CYRIA: variants seen among roughly 807,000 people sequenced by gnomAD.
The protein encoded by CYRIA is CYFIP-related Rac1 interactor A.
CYRIA carries 15 observed loss-of-function variants against 43.9 expected under a neutral mutation model. That is an observed-to-expected ratio of 0.34 (90% CI 0.23 to 0.53). CYRIA has a LOEUF of 0.53. Among genes scored for constraint, CYRIA ranks in the 20% least tolerant of loss-of-function variants. The pLI, the probability that CYRIA is intolerant of heterozygous loss-of-function variation, is 0.94. For synonymous variants in CYRIA, 117 were observed against 136.0 expected, an observed-to-expected ratio of 0.86 and a Z score of 0.97; for missense variants, 236 against 394.2, an observed-to-expected ratio of 0.60 and a Z score of 3.40.
intron 3 of CYRIA, among the ~76,000 whole-genome samples, chr2:16,571,682 T>C (rs755648695): frequency 5.9e-5 from 9 of 152,304 alleles, no homozygotes; most frequent in South Asian, 2.1e-4. Context: ...ATCAATAGGA[T>C]ATATAGCTAT....
At chr2:16,649,348 G>A (rs1180846308) in intron 1 of CYRIA, among the ~76,000 whole-genome samples, 1 of 152,056 alleles carries the variant, frequency 6.6e-6, no homozygotes, top group East Asian at 1.9e-4. Context: ...GGGGATGGTT[G>A]CACAGTACAG....
At chr2:16,600,046 G>C (rs7575192) in intron 2 of CYRIA, among the ~76,000 whole-genome samples, 1 of 152,136 alleles carries the variant, frequency 6.6e-6, no homozygotes, top group East Asian at 1.9e-4. Context: ...GTGAGCCATC[G>C]TGCCTGGCCA....
At chr2:16,662,705 C>T (rs1359381089) in intron 1 of CYRIA, among the ~76,000 whole-genome samples, 1 of 152,184 alleles carries the variant, frequency 6.6e-6, no homozygotes, top group African/African-American at 2.4e-5. Flanking sequence ...ATGTGTGGCT[C>T]TCCAACCATC....
intron 1 of CYRIA, among the ~76,000 whole-genome samples, chr2:16,631,795 G>A (rs183035889): frequency 7.2e-5 from 11 of 152,270 alleles, no homozygotes; most frequent in Admixed American, 5.9e-4. Flanking sequence ...CTAGGCCAAC[G>A]CTGCCTTGGA....
chr2:16,554,649 T>G (rs1345158449), intron 11 of CYRIA, among the ~76,000 whole-genome samples: 4 of 152,014 alleles, frequency 2.6e-5, no homozygotes, highest in Admixed American at 2.6e-4. Flanking sequence ...TCACACAGAG[T>G]GTTTTCAAAA....
chr2:16,611,268 G>A (rs1212212867), intron 2 of CYRIA, among the ~76,000 whole-genome samples: 2 of 152,098 alleles, frequency 1.3e-5, no homozygotes, highest in African/African-American at 2.4e-5. Flanking sequence ...GGGAGGCTGA[G>A]GCAGGAGAAT....
chr2:16,557,088 C>A (rs1666550322), intron 10 of CYRIA, among the ~76,000 whole-genome samples: 1 of 152,096 alleles, frequency 6.6e-6, no homozygotes, highest in Non-Finnish European at 1.5e-5. Context: ...TGGGTCATTT[C>A]AAAAGATTCT....
intron 1 of CYRIA, among the ~76,000 whole-genome samples, chr2:16,637,841 G>T (rs1442196473): frequency 6.6e-6 from 1 of 152,188 alleles, no homozygotes; most frequent in Non-Finnish European, 1.5e-5. Flanking sequence ...AAGGTCCAGA[G>T]TGCTCAGGTG....
In CYRIA at chr2:16,634,302, C is replaced by T. The variant is rs1253247161; in HGVS notation, c.-166-10283G>A. Reference sequence around the variant, plus strand: ...GCTGCTATCTGGACTAAAACACCAGCCACACCCCTTCTCTTATATTCCAGA... The same window carrying T: ...GCTGCTATCTGGACTAAAACACCAGTCACACCCCTTCTCTTATATTCCAGA... On this transcript the variant is annotated intron_variant, in intron 1 of 11. Coordinates refer to ENST00000381323, the MANE Select transcript of CYRIA (RefSeq NM_030797.4). 2.6e-5 allele frequency among the ~76,000 whole-genome samples: 4 copies of T among 152,186 alleles called. No homozygotes were observed. In the East Asian group the frequency reaches 7.7e-4, roughly 29 times the overall value.
At chr2:16,610,233 C>T (rs953780491) in intron 2 of CYRIA, among the ~76,000 whole-genome samples, 3 of 152,196 alleles carry the variant, frequency 2.0e-5, no homozygotes, top group African/African-American at 7.2e-5. Context: ...AACACTGAAG[C>T]AAGTGAGTAA....
At chr2:16,606,419 C>G (rs1421536078) in intron 2 of CYRIA, among the ~76,000 whole-genome samples, 1 of 151,888 alleles carries the variant, frequency 6.6e-6, no homozygotes, top group Non-Finnish European at 1.5e-5. Flanking sequence ...TCCTCCCACT[C>G]TTATATTGGA....
chr2:16,579,541 TAAC>T (rs1436181930), intron 3 of CYRIA, among the ~76,000 whole-genome samples: 2 of 151,786 alleles, frequency 1.3e-5, no homozygotes, highest in Admixed American at 6.6e-5. Context: ...GCAAAATACA[TAAC>T]AAAAGCACAA....
intron 1 of CYRIA, among the ~76,000 whole-genome samples, chr2:16,649,232 T>C (rs1310559010): frequency 6.6e-6 from 1 of 152,198 alleles, no homozygotes; most frequent in East Asian, 1.9e-4. Flanking sequence ...AAATACTATG[T>C]CATTTTATAT....
chr2:16,601,779 T>C (rs1358417225), intron 2 of CYRIA, among the ~76,000 whole-genome samples: 1 of 152,200 alleles, frequency 6.6e-6, no homozygotes, highest in East Asian at 1.9e-4. Flanking sequence ...ACTCTATTTT[T>C]GTTTAGAAGA....
intron 2 of CYRIA, among the ~76,000 whole-genome samples, chr2:16,622,630 C>T (rs1172817487): frequency 1.3e-5 from 2 of 152,154 alleles, no homozygotes; most frequent in African/African-American, 4.8e-5. Flanking sequence ...GTGTACTATC[C>T]CTACCTTACA....
intron 2 of CYRIA, among the ~76,000 whole-genome samples, chr2:16,604,541 T>C (rs1324415982): frequency 6.6e-6 from 1 of 152,274 alleles, no homozygotes; most frequent in Non-Finnish European, 1.5e-5. Context: ...ACCATCTGAC[T>C]GTTTTGAATT....
In CYRIA at chr2:16,626,472, C is replaced by T. The variant is rs534076321; in HGVS notation, c.-166-2453G>A. On this transcript the variant is annotated intron_variant, in intron 1 of 11. Transcript: ENST00000381323. ...CCTCACCCCACCTTCTCCCACCTTA[C>T]AGATGCAACCACAAAGGCTCGCCAA... Among the ~76,000 whole-genome samples, 19 of 152,330 alleles carry T rather than the reference C, an allele frequency of 1.2e-4. 1 individual carries two copies. The South Asian group carries it at 3.9e-3, about 32-fold the overall frequency.
intron 10 of CYRIA, among the ~76,000 whole-genome samples, chr2:16,557,110 T>C (rs1462810386): frequency 6.6e-6 from 1 of 152,148 alleles, no homozygotes; most frequent in Non-Finnish European, 1.5e-5. Context: ...AGGAAATCAA[T>C]TGAAAACACC....
At chr2:16,576,835 A>C (rs988938859) in intron 3 of CYRIA, among the ~76,000 whole-genome samples, 1 of 148,362 alleles carries the variant, frequency 6.7e-6, no homozygotes, top group Non-Finnish European at 1.5e-5. Context: ...TTCAGTCTTA[A>C]AAAAAGAAGG....
Sources: gnomAD v4.1 joint callset for allele counts (sites outside exome capture counted in the v4.1 genomes callset) on GRCh38, gnomAD v4.1.1 for gene constraint, MANE v1.5 for transcripts, NCBI Gene and HGNC (gene_info 2026-07-23, HGNC 2026-07-21) for gene names.